GPC5: variants seen among roughly 807,000 people sequenced by gnomAD.
GPC5 encodes glypican 5, also known as glypican-5.
GPC5 carries 47 observed loss-of-function variants against 53.9 expected under a neutral mutation model. The observed-to-expected ratio is 0.87, with a 90% CI of 0.69 to 1.11. GPC5 has a LOEUF of 1.11. Among genes scored for constraint, GPC5 ranks in the 50% most tolerant of loss-of-function variants. The pLI is 0.00. For synonymous variants in GPC5, 286 were observed against 263.3 expected, an observed-to-expected ratio of 1.09 and a Z score of -0.84; for missense variants, 748 against 713.1, an observed-to-expected ratio of 1.05 and a Z score of -0.56.
Position 91,747,641 on chromosome 13 carries a change from GT to G in GPC5, c.1155-8643del, listed in dbSNP as rs3837547. Among the ~76,000 whole-genome samples the G allele has an allele frequency of 2.7e-5, 4 of 149,404 alleles. No individual in the cohort carries two copies. The East Asian group carries it at 5.9e-4, about 22-fold the overall frequency. ...TTTTGTCATTGTAGCGATGTATCTG[GT>G]TTTTTTTTTTCTAATCTAACAATCT... On this transcript the variant is annotated intron_variant, in intron 4 of 7. Coordinates refer to ENST00000377067, the MANE Select transcript of GPC5 (RefSeq NM_004466.6).
At chr13:92,619,861 A>G (rs1371803400) in intron 7 of GPC5, among the ~76,000 whole-genome samples, 3 of 152,072 alleles carry the variant, frequency 2.0e-5, no homozygotes, top group African/African-American at 7.2e-5. Context: ...AACAAACAAT[A>G]TTTGCTAGTT....
intron 7 of GPC5, among the ~76,000 whole-genome samples, chr13:92,708,399 T>G (rs1888019852): frequency 6.6e-6 from 1 of 152,192 alleles, no homozygotes; most frequent in Non-Finnish European, 1.5e-5. Context: ...ACCCTCTTAC[T>G]GCCTCAAATA....
At chr13:92,124,297 G>C (rs1414696398) in intron 6 of GPC5, among the ~76,000 whole-genome samples, 2 of 138,408 alleles carry the variant, frequency 1.4e-5, no homozygotes, top group African/African-American at 5.4e-5. Context: ...ATTATTCTTT[G>C]AGCTCCAACT....
chr13:92,495,997 T>C (rs1403094716), intron 7 of GPC5, among the ~76,000 whole-genome samples: 1 of 152,090 alleles, frequency 6.6e-6, no homozygotes, highest in Non-Finnish European at 1.5e-5. Context: ...TTTCTGTATC[T>C]CTTGAATGTT....
At chr13:91,410,625 C>T (rs1055229025) in intron 1 of GPC5, among the ~76,000 whole-genome samples, 13 of 152,034 alleles carry the variant, frequency 8.6e-5, no homozygotes, top group East Asian at 7.8e-4. Flanking sequence ...GGATTACAGG[C>T]GTGAGCCACT....
chr13:91,895,353 A>T (rs1050734501), intron 5 of GPC5, among the ~76,000 whole-genome samples: 6 of 152,198 alleles, frequency 3.9e-5, no homozygotes, highest in African/African-American at 1.4e-4. Context: ...TATATACAGG[A>T]ATTAAAGGAA....
intron 2 of GPC5, among the ~76,000 whole-genome samples, chr13:91,573,314 G>A (rs1024201136): frequency 7.2e-5 from 11 of 152,090 alleles, no homozygotes; most frequent in African/African-American, 9.7e-5. Flanking sequence ...ATCTCCTTAC[G>A]ACAGCTACTT....
intron 2 of GPC5, among the ~76,000 whole-genome samples, chr13:91,603,201 C>T (rs758847511): frequency 4.0e-4 from 61 of 152,312 alleles, no homozygotes; most frequent in Middle Eastern, 3.4e-3. Flanking sequence ...TTGTTTGAAC[C>T]GTTTCTCATC....
intron 7 of GPC5, among the ~76,000 whole-genome samples, chr13:92,236,043 A>G (rs1360240913): frequency 3.3e-5 from 5 of 152,036 alleles, no homozygotes; most frequent in African/African-American, 1.2e-4. Context: ...GAGAAGTCTG[A>G]TCCTTGTATG....
intron 5 of GPC5, among the ~76,000 whole-genome samples, chr13:91,802,335 AGTT>A (rs2038149129): frequency 6.6e-6 from 1 of 150,966 alleles, no homozygotes; most frequent in Non-Finnish European, 1.5e-5. Context: ...GGCGCATCAG[AGTT>A]GTTTGTTCCT....
At chr13:91,963,974 A>T (rs944386956) in intron 6 of GPC5, among the ~76,000 whole-genome samples, 3 of 152,176 alleles carry the variant, frequency 2.0e-5, no homozygotes, top group Non-Finnish European at 4.4e-5. Context: ...TCAGGGATCT[A>T]AAATTAGAAA....
intron 7 of GPC5, among the ~76,000 whole-genome samples, chr13:92,794,868 C>T (rs1049730802): frequency 2.6e-5 from 4 of 152,028 alleles, no homozygotes; most frequent in Admixed American, 2.0e-4. Flanking sequence ...CAAACCAATG[C>T]TCAATGAAAT....
At chr13:91,972,456 G>T (rs1004668798) in intron 6 of GPC5, among the ~76,000 whole-genome samples, 5 of 152,090 alleles carry the variant, frequency 3.3e-5, no homozygotes, top group African/African-American at 1.2e-4. Flanking sequence ...GGAGCATTTA[G>T]CCCATTTACA....
chr13:91,751,681 AG>A (rs1334890843), intron 4 of GPC5, among the ~76,000 whole-genome samples: 1 of 152,240 alleles, frequency 6.6e-6, no homozygotes, highest in Non-Finnish European at 1.5e-5. Context: ...TGTGCCCAGA[AG>A]GTAGATAGAC....
chr13:91,412,292 G>C (rs185306827), intron 1 of GPC5, among the ~76,000 whole-genome samples: 14 of 152,294 alleles, frequency 9.2e-5, no homozygotes, highest in Admixed American at 2.0e-4. Context: ...CTTAGCCCTT[G>C]CTAGTCCATT....
rs1369122835 is a variant in GPC5, at chr13:91,478,867, CAT to C, written c.325+29953_325+29954del. Among the ~76,000 whole-genome samples, 27 of 78,440 alleles carry C rather than the reference CAT, an allele frequency of 3.4e-4. 1 individual carries two copies. Among genetic ancestry groups the C allele is most frequent in the African/African-American group, 1.0e-3 (24 of 23,992 alleles). The allele number at this position is 78,440 out of a possible 152,430, so 51.5% of individuals were successfully genotyped here. On this transcript the variant is annotated intron_variant, in intron 2 of 7. Coordinates refer to ENST00000377067, the MANE Select transcript of GPC5 (RefSeq NM_004466.6). ...TACACATTATATATATATACACACA[CAT>C]ATATATACACATTATATATATATAT...
chr13:92,254,660 G>A (rs982555278), intron 7 of GPC5, among the ~76,000 whole-genome samples: 11 of 152,130 alleles, frequency 7.2e-5, no homozygotes, highest in Non-Finnish European at 1.6e-4. Flanking sequence ...AGTTCCACAC[G>A]GCTGGGGAGG....
chr13:91,624,760 AAGTT>A, intron 2 of GPC5, among the ~76,000 whole-genome samples: 1 of 152,132 alleles, frequency 6.6e-6, no homozygotes. Context: ...AAATCACACT[AAGTT>A]AATTATGGAT....
intron 7 of GPC5, among the ~76,000 whole-genome samples, chr13:92,199,069 A>C (rs917187788): frequency 1.3e-5 from 2 of 152,242 alleles, no homozygotes; most frequent in South Asian, 2.1e-4. Context: ...CTGACACATC[A>C]ATGCTACATC....
Sources: gnomAD v4.1 joint callset for allele counts (sites outside exome capture counted in the v4.1 genomes callset) on GRCh38, gnomAD v4.1.1 for gene constraint, MANE v1.5 for transcripts, NCBI Gene and HGNC (gene_info 2026-07-23, HGNC 2026-07-21) for gene names.